Variants in FAM219B observed in about 807,000 individuals in gnomAD.
FAM219B encodes protein FAM219B.
A neutral mutation model predicts 19.9 loss-of-function variants in FAM219B; 18 were observed. That is an observed-to-expected ratio of 0.91 (90% CI 0.63 to 1.34). The LOEUF (loss-of-function observed/expected upper bound fraction) is 1.34. FAM219B is among the 40% of genes most tolerant of loss of function. The pLI is 0.00. For missense variants in FAM219B, 283 were observed against 270.5 expected (o/e 1.05, Z -0.32); for synonymous variants, 123 against 117.5 (o/e 1.05, Z -0.30).
chr15:74,905,290 G>C (rs2065141262), intron 2 of FAM219B, 59 bp from the exon 3 acceptor site: 6 of 1,552,832 alleles, frequency 3.9e-6, no homozygotes, highest in Non-Finnish European at 4.4e-6. Context: ...CATTTCACAG[G>C]GATAGGCAGA....
rs1395128223 is a variant in FAM219B at position 74,906,766 on chromosome 15, C to A, written c.35G>T (p.Arg12Leu). ...ATAEPSGRAL[R>L]LSTPGPRPSG... Reference sequence around the variant, plus strand: ...GGGCCGGGGTCCCGGGGTAGACAACCGCAACGCGCGCCCGCTGGGCTCCGC... The same window carrying A: ...GGGCCGGGGTCCCGGGGTAGACAACAGCAACGCGCGCCCGCTGGGCTCCGC... The change falls in exon 1 of 5, where the codon CGG becomes CTG. Residue 12 changes from arginine (R) to leucine (L), a missense_variant. Coordinates refer to ENST00000357635, the MANE Select transcript of FAM219B (RefSeq NM_020447.5). 7.7e-7 allele frequency: 1 copy of A among 1,297,938 alleles called. No individual in the cohort carries two copies. Among genetic ancestry groups the A allele is most frequent in the Non-Finnish European group, 9.8e-7 (1 of 1,022,176 alleles). 80.4% of individuals were successfully genotyped at this position (1,297,938 alleles called of 1,614,324 possible).
Position 74,902,529 on chromosome 15 carries a change from T to A in FAM219B, c.*90A>T. ...AGGTCACTTTCTAGGGGTCAGTGAC[T>A]TCAGTGCTCACTGCACTGTGTGAGC... On this transcript the variant is annotated 3_prime_UTR_variant, in exon 5 of 5. Transcript: ENST00000357635. The A allele has an allele frequency of 7.4e-7, 1 of 1,353,400 alleles. No individual in the cohort carries two copies. The highest frequency in any genetic ancestry group is 9.9e-7 in the Non-Finnish European group (1 of 1,013,214). The allele number at this position is 1,353,400 out of a possible 1,614,324, so 83.8% of individuals were successfully genotyped here. A position where few individuals can be genotyped will look rare whatever the true frequency, so the allele number is the denominator to read the frequency against.
chr15:74,906,674 G>T lies in FAM219B; in HGVS notation c.127C>A (p.Leu43Ile). The change falls in exon 1 of 5, where the codon CTC (leucine) becomes ATC (isoleucine). Residue 43 changes from leucine (L) to isoleucine (I), a missense_variant. Coordinates refer to ENST00000357635, the MANE Select transcript of FAM219B (RefSeq NM_020447.5). ...PPSGQIGNRA[L>I]RLGERTPAAV... is the part of the protein sequence containing the mutation. ...GCGGGGGTGCGCTCCCCCAGACGGA[G>T]GGCTCTATTACCGATCTGCCCGGAG... 6.6e-7 allele frequency: 1 copy of T among 1,506,582 alleles called. No individual in the cohort carries two copies. The highest frequency in any genetic ancestry group is 2.4e-5 in the East Asian group (1 of 41,788). 93.3% of individuals were successfully genotyped at this position (1,506,582 alleles called of 1,614,324 possible). A position where few individuals can be genotyped will look rare whatever the true frequency, so the allele number is the denominator to read the frequency against.
At chr15:74,906,255 G>A (rs1230220924) in intron 2 of FAM219B, 23 bp downstream of exon 2, 1 of 1,610,846 alleles carries the variant, frequency 6.2e-7, no homozygotes, top group Non-Finnish European at 8.5e-7. Flanking sequence ...TGCTGGCACA[G>A]AGGAGGTGGC....
At chr15:74,899,312 C>G (rs1241345977), downstream of FAM219B, 2 of 152,206 alleles carry the variant, frequency 1.3e-5, no homozygotes, top group Non-Finnish European at 2.9e-5. Flanking sequence ...AAGAATCTTT[C>G]TGGGCTTCTG....
In FAM219B at chr15:74,903,251, G is replaced by A. The variant is rs570407458; in HGVS notation, c.430-465C>T. 1.0e-3 allele frequency among the ~76,000 whole-genome samples: 158 copies of A among 152,250 alleles called. No individual in the cohort carries two copies. The Middle Eastern group carries it at 0.017, about 16-fold the overall frequency. The stretch of plus-strand genomic sequence containing the variant: ...TTAGACTTATCCTTTGATGCCAACA[G>A]AGGTGGGTTCCTGCAAAGTGGAATT... On this transcript the variant is annotated intron_variant, in intron 4 of 4. Transcript: ENST00000357635.
intron 2 of FAM219B, 159 bp downstream of exon 2, chr15:74,906,117 AAG>A (rs2065177028): frequency 1.4e-6 from 1 of 721,104 alleles, no homozygotes; most frequent in Non-Finnish European, 2.3e-6. Flanking sequence ...CTTAAAGGAA[AAG>A]AGAGATTGTT....
At chr15:74,904,857 A>T (rs1362811317) in intron 3 of FAM219B, 145 bp from the exon 4 acceptor site, 2 of 1,429,546 alleles carry the variant, frequency 1.4e-6, no homozygotes, top group Non-Finnish European at 1.9e-6. Flanking sequence ...ACAGGCCTTG[A>T]ATAATACTGG....
At position 74,906,787 on chromosome 15, in the gene FAM219B, T is replaced by C. The variant is rs1316671958; in HGVS notation, c.14A>G (p.Glu5Gly). 4.9e-5 allele frequency: 63 copies of C among 1,285,314 alleles called. No homozygotes were observed. The highest frequency in any genetic ancestry group is 5.7e-5 in the Non-Finnish European group (58 of 1,016,934). The allele number at this position is 1,285,314 out of a possible 1,614,324, so 79.6% of individuals were successfully genotyped here. Residue 5 changes from glutamate (E) to glycine (G), a missense_variant, in exon 1 of 5, where the codon GAG (glutamate) becomes GGG (glycine). Transcript: ENST00000357635. MATA[E>G]PSGRALRLST... ...CAACCGCAACGCGCGCCCGCTGGGC[T>C]CCGCGGTCGCCATGGCCGGGCCCCG...
rs576167905 is a variant in FAM219B at position 74,902,180 on chromosome 15, C to G, written c.*439G>C. On this transcript the variant is annotated 3_prime_UTR_variant, in exon 5 of 5. Coordinates refer to ENST00000357635, the MANE Select transcript of FAM219B (RefSeq NM_020447.5). ...TTCTCGAACTGGTCTCAAACAGTTT[C>G]TTTTTTGGATTGCCAGCTATAATAA... The G allele has an allele frequency of 1.5e-5, 6 of 398,718 alleles. No individual in the cohort carries two copies. In the East Asian group the frequency reaches 1.8e-4, roughly 12 times the overall value. The allele number at this position is 398,718 out of a possible 1,614,324, so 24.7% of individuals were successfully genotyped here. A position where few individuals can be genotyped will look rare whatever the true frequency, so the allele number is the denominator to read the frequency against.
intron 2 of FAM219B, chr15:74,905,733 G>T: frequency 5.9e-6 from 1 of 170,770 alleles, no homozygotes; most frequent in Non-Finnish European, 1.3e-5. Context: ...TCCTCCCATA[G>T]GTCTTGGAAA....
rs1311118532 is a variant in FAM219B at position 74,902,556 on chromosome 15, A to G, written c.*63T>C. The G allele has an allele frequency of 3.3e-6, 5 of 1,502,258 alleles. No homozygotes were observed. Among genetic ancestry groups the G allele is most frequent in the Non-Finnish European group, 4.5e-6 (5 of 1,117,302 alleles). 93.1% of individuals were successfully genotyped at this position (1,502,258 alleles called of 1,614,324 possible). A position where few individuals can be genotyped will look rare whatever the true frequency, so the allele number is the denominator to read the frequency against. Reference sequence around the variant, plus strand: ...CAGTGCTCACTGCACTGTGTGAGCTATGAGTGGCCAACAGGGCTCTGTAGG... The same window carrying G: ...CAGTGCTCACTGCACTGTGTGAGCTGTGAGTGGCCAACAGGGCTCTGTAGG... On this transcript the variant is annotated 3_prime_UTR_variant, in exon 5 of 5. Coordinates refer to ENST00000357635, the MANE Select transcript of FAM219B (RefSeq NM_020447.5).
rs1211724844 is a variant in FAM219B at position 74,900,119 on chromosome 15, C to G, written c.*2500G>C. The G allele has an allele frequency of 1.3e-5, 2 of 152,298 alleles. No homozygotes were observed. The highest frequency in any genetic ancestry group is 4.8e-5 in the African/African-American group (2 of 41,444). 9.4% of individuals were successfully genotyped at this position (152,298 alleles called of 1,614,324 possible). A position where few individuals can be genotyped will look rare whatever the true frequency, so the allele number is the denominator to read the frequency against. On this transcript the variant is annotated 3_prime_UTR_variant, in exon 5 of 5. Coordinates refer to ENST00000357635, the MANE Select transcript of FAM219B (RefSeq NM_020447.5). ...GGGAGGTAAGCCTGGATACACCCCT[C>G]TCCTCAGGAAACTGTCACCTGCAGA... is the stretch of plus-strand genomic sequence containing the variant.
In FAM219B at chr15:74,900,257, T is replaced by A. The variant is rs1460382540; in HGVS notation, c.*2362A>T. ...ATTTCTACCCTGCCTCACTGCACTGTCCCACCAGGTCCCTCCAGCTTTTTC... is the reference window on the plus strand; with the variant it reads ...ATTTCTACCCTGCCTCACTGCACTGACCCACCAGGTCCCTCCAGCTTTTTC... On this transcript the variant is annotated 3_prime_UTR_variant, in exon 5 of 5. Transcript: ENST00000357635. 1.3e-5 allele frequency: 2 copies of A among 152,272 alleles called. No individual in the cohort carries two copies. Among genetic ancestry groups the A allele is most frequent in the Non-Finnish European group, 2.9e-5 (2 of 68,096 alleles). The allele number at this position is 152,272 out of a possible 1,614,324, so 9.4% of individuals were successfully genotyped here.
Position 74,902,689 on chromosome 15 carries a change from G to A in FAM219B, c.527C>T (p.Pro176Leu), listed in dbSNP as rs1192027360. ...DEDLDLIPPK[P>L]MASSTCSCCW... ...GCAGGAGCATGTTGAAGAGGCCATG[G>A]GCTTAGGGGGGATGAGGTCCAAGTC... The change falls in exon 5 of 5, where the codon CCC becomes CTC. Residue 176 changes from proline (P) to leucine (L), a missense_variant. Coordinates refer to ENST00000357635, the MANE Select transcript of FAM219B (RefSeq NM_020447.5). The A allele has an allele frequency of 6.2e-7, 1 of 1,613,158 alleles. No individual in the cohort carries two copies. The highest frequency in any genetic ancestry group is 1.3e-5 in the African/African-American group (1 of 74,928).
Position 74,905,214 on chromosome 15 carries a change from T to C in FAM219B, c.320A>G (p.Lys107Arg). 1.2e-6 allele frequency: 2 copies of C among 1,613,958 alleles called. No individual in the cohort carries two copies. The highest frequency in any genetic ancestry group is 2.2e-5 in the South Asian group (2 of 91,086). The change falls in exon 3 of 5, where the codon AAG becomes AGG. Residue 107 changes from lysine to arginine, a missense_variant. Coordinates refer to ENST00000357635, the MANE Select transcript of FAM219B (RefSeq NM_020447.5). ...SSGKRSVKFN[K>R]GYTALSQSPD... ...ACTCTGGCTAAGAGCAGTATAGCCC[T>C]TGTTAAACTTCACTGACCTGAGGGG...
rs3935818 is a variant in FAM219B, at chr15:74,902,087, C to T, written c.*532G>A. On this transcript the variant is annotated 3_prime_UTR_variant, in exon 5 of 5. Transcript: ENST00000357635. ...ACCTGAAGAGGGACAAAAGGACTCACTTTATGCTGTCTTGAAGGTCAAGCC... is the reference window on the plus strand; with the variant it reads ...ACCTGAAGAGGGACAAAAGGACTCATTTTATGCTGTCTTGAAGGTCAAGCC... 0.042 allele frequency: 16,575 copies of T among 398,592 alleles called. 1,536 individuals carry two copies. Among genetic ancestry groups the T allele is most frequent in the African/African-American group, 0.23 (11,406 of 48,704 alleles). The allele number at this position is 398,592 out of a possible 1,614,324, so 24.7% of individuals were successfully genotyped here. A position where few individuals can be genotyped will look rare whatever the true frequency, so the allele number is the denominator to read the frequency against.
intron 4 of FAM219B, 91 bp from the exon 5 acceptor site, chr15:74,902,877 C>T: frequency 5.5e-6 from 8 of 1,462,480 alleles, no homozygotes; most frequent in Non-Finnish European, 5.5e-6. Flanking sequence ...GTTACCAGGG[C>T]TTCCTGTCCA....
At chr15:74,898,362 C>T (rs1220032940), downstream of FAM219B, 1 of 174,948 alleles carries the variant, frequency 5.7e-6, no homozygotes, top group African/African-American at 2.4e-5. Context: ...GAGCAGGCTA[C>T]ACTCCAGAAC....
Sources: allele counts gnomAD v4.1 joint callset (sites outside exome capture counted in the v4.1 genomes callset), GRCh38; gene constraint gnomAD v4.1.1; transcripts MANE v1.5; gene names NCBI Gene and HGNC (gene_info 2026-07-23, HGNC 2026-07-21).